APPL1: variants seen among roughly 807,000 people sequenced by gnomAD.
APPL1 encodes DCC-interacting protein 13-alpha.
In APPL1, 42 loss-of-function variants were observed where a neutral mutation model predicts 106.8. The ratio of observed to expected loss-of-function variants is 0.39; its 90% confidence interval spans 0.31 to 0.51. The LOEUF (loss-of-function observed/expected upper bound fraction) is 0.51, where lower values mean the gene tolerates loss of function less well. Among genes scored for constraint, APPL1 ranks in the 20% least tolerant of loss-of-function variants. The probability of loss-of-function intolerance (pLI) is 0.75; values close to 1 mark genes in which losing one functional copy is unlikely to be tolerated. For missense variants in APPL1, 769 were observed against 858.2 expected, an observed-to-expected ratio of 0.90 and a Z score of 1.30; for synonymous variants, 263 against 281.8, an observed-to-expected ratio of 0.93 and a Z score of 0.67.
At chr3:57,244,444 C>T (rs920145668) in intron 7 of APPL1, among the ~76,000 whole-genome samples, 3 of 152,130 alleles carry the variant, frequency 2.0e-5, no homozygotes, top group East Asian at 3.9e-4. Flanking sequence ...GCTTGAGCCA[C>T]CACACATGGC....
intron 7 of APPL1, 42 bp from the exon 8 acceptor site, chr3:57,246,034 A>G (rs1421303367): frequency 3.6e-6 from 5 of 1,400,734 alleles, no homozygotes; most frequent in Non-Finnish European, 4.8e-6. Context: ...AGTAAATAAT[A>G]GCAGATTATT....
At chr3:57,260,083 A>G (rs2060857454) in intron 17 of APPL1, 34 bp from the exon 18 acceptor site, 2 of 1,606,008 alleles carry the variant, frequency 1.2e-6, no homozygotes, top group Non-Finnish European at 1.7e-6. Flanking sequence ...GCCTAATTAA[A>G]ATTTGTTTTC....
intron 19 of APPL1, among the ~76,000 whole-genome samples, chr3:57,261,806 C>T (rs1443353350): frequency 6.6e-6 from 1 of 152,190 alleles, no homozygotes; most frequent in Non-Finnish European, 1.5e-5. Context: ...GCGTGAGCCA[C>T]CATACCCGGT....
chr3:57,246,222 G>C lies in APPL1; in HGVS notation c.621G>C (p.Gln207His). 6.3e-7 allele frequency: 1 copy of C among 1,591,226 alleles called. No homozygotes were observed. The highest frequency in any genetic ancestry group is 8.5e-7 in the Non-Finnish European group (1 of 1,172,358). ...LEPLLGYMQA[Q>H]ISFFKMGSEN... is the part of the protein sequence containing the mutation. ...CTCTACTTGGGTACATGCAAGCTCAGGTAAATACTGTACTGTATTTGGATT... is the reference window on the plus strand; with the variant it reads ...CTCTACTTGGGTACATGCAAGCTCACGTAAATACTGTACTGTATTTGGATT... The change falls in exon 8 of 22, where the codon CAG becomes CAC. Residue 207 changes from glutamine (Q) to histidine (H), a missense_variant and splice_region_variant. Physicochemically the swap from Gln to His is conservative, Grantham distance 24 (BLOSUM62 0). Transcript: ENST00000288266.
intron 7 of APPL1, among the ~76,000 whole-genome samples, chr3:57,245,836 C>T (rs1267078927): frequency 1.3e-5 from 2 of 152,096 alleles, no homozygotes; most frequent in Non-Finnish European, 2.9e-5. Flanking sequence ...TGAGCCACCA[C>T]GCCTGGGCTC....
rs765426405 is a variant in APPL1, at chr3:57,238,029, G to A, written c.214-16G>A. On this transcript the variant is annotated splice_polypyrimidine_tract_variant and intron_variant, in intron 3 of 21. Transcript: ENST00000288266. ...ACAGCATTGAAACTTTACCTCATCTGTTTCTTGCTTTTCAGCGTTTTCCAT... is the reference window on the plus strand; with the variant it reads ...ACAGCATTGAAACTTTACCTCATCTATTTCTTGCTTTTCAGCGTTTTCCAT... 3 of 1,600,344 alleles carry A rather than the reference G, an allele frequency of 1.9e-6. No individual in the cohort carries two copies. The highest frequency in any genetic ancestry group is 3.4e-5 in the Admixed American group (2 of 58,874).
Position 57,235,765 on chromosome 3 carries a change from G to A in APPL1, c.153+101G>A, listed in dbSNP as rs972635761. 8 of 737,354 alleles carry A rather than the reference G, an allele frequency of 1.1e-5. No homozygotes were observed. The African/African-American group carries it at 1.2e-4, about 11-fold the overall frequency. The allele number at this position is 737,354 out of a possible 1,614,324, so 45.7% of individuals were successfully genotyped here. A position where few individuals can be genotyped will look rare whatever the true frequency, so the allele number is the denominator to read the frequency against. ...TTGTTTACCACTGCTTTAGCCCTGT[G>A]TTAGGCTCATAGTAATAAATATTTG... On this transcript the variant is annotated intron_variant, in intron 2 of 21. Coordinates refer to ENST00000288266, the MANE Select transcript of APPL1 (RefSeq NM_012096.3).
chr3:57,245,034 G>GGTTTTGTGTACAAAACTATCTTCA (rs1324124437), intron 7 of APPL1, among the ~76,000 whole-genome samples: 7 of 152,102 alleles, frequency 4.6e-5, no homozygotes, highest in Non-Finnish European at 1.0e-4. Context: ...CAGAAGAACA[G>GGTTTTGTGTACAAAACTATCTTCA]GTTTTGTGTA....
rs148421988 is a variant in APPL1 at position 57,250,101 on chromosome 3, G to C, written c.1052+553G>C. Among the ~76,000 whole-genome samples, 953 of 152,310 alleles carry C rather than the reference G, an allele frequency of 6.3e-3. 8 individuals are homozygous for C. Among genetic ancestry groups the C allele is most frequent in the African/African-American group, 0.022 (926 of 41,556 alleles). ...AATGTTAATCAAGTATTTCTGATCA[G>C]ATTATTTTTCCATTAATGTTTATAA... On this transcript the variant is annotated intron_variant, in intron 11 of 21. Coordinates refer to ENST00000288266, the MANE Select transcript of APPL1 (RefSeq NM_012096.3).
intron 15 of APPL1, 138 bp downstream of exon 15, chr3:57,257,566 GT>G: frequency 1.4e-6 from 1 of 730,884 alleles, no homozygotes; most frequent in Non-Finnish European, 2.0e-6. Context: ...GTAACATATT[GT>G]TAGGGAAGAA....
intron 2 of APPL1, 49 bp from the exon 3 acceptor site, chr3:57,237,441 AAC>A (rs760447594): frequency 2.7e-5 from 37 of 1,362,492 alleles, no homozygotes; most frequent in Non-Finnish European, 3.5e-5. Flanking sequence ...AATTAGAAAA[AAC>A]TAAAACTTTT....
At chr3:57,241,868 T>C (rs747070445) in intron 5 of APPL1, among the ~76,000 whole-genome samples, 44 of 152,232 alleles carry the variant, frequency 2.9e-4, no homozygotes, top group Non-Finnish European at 5.6e-4. Context: ...TAAATTTGTT[T>C]TTATGTCATA....
intron 7 of APPL1, among the ~76,000 whole-genome samples, chr3:57,245,666 C>T (rs1376594072): frequency 6.6e-6 from 1 of 152,022 alleles, no homozygotes; most frequent in Non-Finnish European, 1.5e-5. Flanking sequence ...CCTCGGCCTC[C>T]CCAGTAGCTG....
In APPL1 at chr3:57,242,513, A is replaced by G. The variant is rs540696170; in HGVS notation, c.416-343A>G. Among the ~76,000 whole-genome samples the G allele has an allele frequency of 2.6e-5, 4 of 152,226 alleles. No individual in the cohort carries two copies. In the East Asian group the frequency reaches 7.7e-4, roughly 29 times the overall value. On this transcript the variant is annotated intron_variant, in intron 6 of 21. Transcript: ENST00000288266. ...CAGTGGCTTTTCAAGCCACAATCAT[A>G]GCATACTGTAGTGATCCTGCTGCCC...
At chr3:57,262,384 CCTTTTTTTTTTT>C (rs2060871190) in intron 19 of APPL1, among the ~76,000 whole-genome samples, 1 of 17,940 alleles carries the variant, frequency 5.6e-5, no homozygotes. Flanking sequence ...TGGAAAATAA[CCTTTTTTTTTTT>C]TTTTTTTTTT....
At chr3:57,248,400 TA>T (rs1351567757) in intron 10 of APPL1, 49 bp downstream of exon 10, 5 of 1,549,862 alleles carry the variant, frequency 3.2e-6, no homozygotes, top group Non-Finnish European at 4.4e-6. Context: ...TGTAAGACAA[TA>T]CCAAATGAAT....
chr3:57,231,600 T>G (rs1368278974), intron 1 of APPL1, among the ~76,000 whole-genome samples: 1 of 151,746 alleles, frequency 6.6e-6, no homozygotes, highest in Non-Finnish European at 1.5e-5. Context: ...CACTTGAGGG[T>G]GGGGGTTCAA....
rs1257893389 is a variant in APPL1 at position 57,269,729 on chromosome 3, TTTC to T, written c.*44_*46del. ...GATATTCCCCCTTGGAATTTGACAG[TTTC>T]TATGGTGAAATGGCAGAAGGTAACA... On this transcript the variant is annotated 3_prime_UTR_variant, in exon 22 of 22. Transcript: ENST00000288266. 3.8e-6 allele frequency: 6 copies of T among 1,599,710 alleles called. No individual in the cohort carries two copies. Among genetic ancestry groups the T allele is most frequent in the Non-Finnish European group, 5.1e-6 (6 of 1,169,020 alleles).
intron 21 of APPL1, 64 bp from the exon 22 acceptor site, chr3:57,269,477 A>G: frequency 6.4e-7 from 1 of 1,571,204 alleles, no homozygotes. Context: ...ATGTATCTTA[A>G]CTGCATAATT....
Sources: allele counts gnomAD v4.1 joint callset (sites outside exome capture counted in the v4.1 genomes callset), GRCh38; gene constraint gnomAD v4.1.1; transcripts MANE v1.5; gene names NCBI Gene and HGNC (gene_info 2026-07-23, HGNC 2026-07-21).